The following WNT9B variants were observed in gnomAD, a reference collection of about 807,000 sequenced individuals.
The protein encoded by WNT9B is Wnt family member 9B, also known as protein Wnt-9b.
WNT9B carries 12 observed loss-of-function variants against 30.2 expected under a neutral mutation model. The ratio of observed to expected loss-of-function variants is 0.40; its 90% confidence interval spans 0.26 to 0.64. The LOEUF is 0.64. Among genes scored for constraint, WNT9B ranks in the 30% least tolerant of loss-of-function variants. WNT9B has a pLI of 0.42. For missense variants in WNT9B, 442 were observed against 485.2 expected, an observed-to-expected ratio of 0.91 and a Z score of 0.84; for synonymous variants, 218 against 216.9, an observed-to-expected ratio of 1.01 and a Z score of -0.05.
chr17:46,855,624 A>G (rs1048946286), intron 1 of WNT9B, among the ~76,000 whole-genome samples: 1 of 152,202 alleles, frequency 6.6e-6, no homozygotes, highest in African/African-American at 2.4e-5. Flanking sequence ...AACTTCTGTG[A>G]TGTTGTATAA....
rs56344308 is a variant in WNT9B, at chr17:46,851,959, C to A, written c.77+244C>A. Among the ~76,000 whole-genome samples the A allele has an allele frequency of 0.15, 23,475 of 152,100 alleles. 2,174 individuals carry two copies. The highest frequency in any genetic ancestry group is 0.38 in the East Asian group (1,973 of 5,142). ...GTCCGAGTCTCTGGTCGCCCCCCAG[C>A]CGCCGCTCTCCTCATCCCGCCGGGT... is the stretch of plus-strand genomic sequence containing the variant. On this transcript the variant is annotated intron_variant, in intron 1 of 3. Transcript: ENST00000290015. The surrounding 1 kb of genome is among the most constrained non-coding windows in gnomAD (Gnocchi z 4.3).
intron 1 of WNT9B, among the ~76,000 whole-genome samples, chr17:46,845,943 A>T (rs1598831737): frequency 6.6e-6 from 1 of 152,058 alleles, no homozygotes; most frequent in African/African-American, 2.4e-5. Flanking sequence ...GGCACCTGCC[A>T]CCAGGCCCAG....
intron 1 of WNT9B, among the ~76,000 whole-genome samples, chr17:46,837,846 G>A (rs1267201049): frequency 6.6e-6 from 1 of 152,154 alleles, no homozygotes; most frequent in Non-Finnish European, 1.5e-5. Context: ...CCACATATGA[G>A]GACACTGTGC....
intron 1 of WNT9B, among the ~76,000 whole-genome samples, chr17:46,869,160 C>T (rs1339126065): frequency 1.3e-5 from 2 of 152,136 alleles, no homozygotes; most frequent in East Asian, 1.9e-4. Context: ...GGCCTCTGTG[C>T]GGTTGGCTAC....
chr17:46,863,896 T>C (rs535073237), intron 1 of WNT9B, among the ~76,000 whole-genome samples: 1 of 152,240 alleles, frequency 6.6e-6, no homozygotes, highest in East Asian at 1.9e-4. Context: ...TGGGGGTGGA[T>C]CCTTGATCAG....
Position 46,880,250 on chromosome 17 carries a change from GCAGA to G in WNT9B, c.*3540_*3543del, listed in dbSNP as rs777791859. On this transcript the variant is annotated 3_prime_UTR_variant, in exon 4 of 4. Transcript: ENST00000290015. ...CTTTCCTGGTACCCTTCATCACCTG[GCAGA>G]CAGACAGCCCCATGCCAACCCTGGA... 1.3e-5 allele frequency among the ~76,000 whole-genome samples: 2 copies of G among 152,166 alleles called. No homozygotes were observed. The highest frequency in any genetic ancestry group is 2.4e-5 in the African/African-American group (1 of 41,448).
At chr17:46,861,514 G>T (rs2085037581) in intron 1 of WNT9B, among the ~76,000 whole-genome samples, 1 of 152,190 alleles carries the variant, frequency 6.6e-6, no homozygotes, top group Non-Finnish European at 1.5e-5. Context: ...CCAACTGGGA[G>T]CCATGGCCTG....
At chr17:46,833,718 A>G (rs2084586009) in intron 1 of WNT9B, among the ~76,000 whole-genome samples, 1 of 152,124 alleles carries the variant, frequency 6.6e-6, no homozygotes, top group African/African-American at 2.4e-5. Flanking sequence ...GCTGTTTCCC[A>G]CGTGAGTGAG....
chr17:46,884,626 G>T (rs1568136814), downstream of WNT9B, among the ~76,000 whole-genome samples: 2 of 152,238 alleles, frequency 1.3e-5, no homozygotes, highest in Non-Finnish European at 2.9e-5. Flanking sequence ...CAGGTACCAA[G>T]TGCTCTGCAG....
At chr17:46,884,948 C>T, downstream of WNT9B, 1 of 390,064 alleles carries the variant, frequency 2.6e-6, no homozygotes, top group Non-Finnish European at 5.0e-6. Flanking sequence ...TTCCCCACTC[C>T]TGCAACCCAT....
chr17:46,859,450 A>G (rs899239090), intron 1 of WNT9B, among the ~76,000 whole-genome samples: 2 of 152,150 alleles, frequency 1.3e-5, no homozygotes, highest in Non-Finnish European at 2.9e-5. Context: ...AATTGATTCA[A>G]TATGTGTGGG....
downstream of WNT9B, among the ~76,000 whole-genome samples, chr17:46,881,935 A>C (rs915562054): frequency 6.6e-6 from 1 of 152,178 alleles, no homozygotes; most frequent in Non-Finnish European, 1.5e-5. Flanking sequence ...AACATTGACA[A>C]AAATTATCTA....
At chr17:46,867,371 T>C (rs1165126873) in intron 1 of WNT9B, among the ~76,000 whole-genome samples, 2 of 152,238 alleles carry the variant, frequency 1.3e-5, no homozygotes, top group East Asian at 1.9e-4. Context: ...ACCCAGGCAG[T>C]CTGGCTCCAG....
exon 5 of WNT9B, chr17:46,886,449 T>G (rs2085489634): frequency 6.6e-6 from 1 of 152,210 alleles, no homozygotes; most frequent in African/African-American, 2.4e-5. Flanking sequence ...GAGTCACTCA[T>G]GCTAAATGCA....
chr17:46,877,071 G>T lies in WNT9B; in HGVS notation c.*353G>T, dbSNP rs1057484248. 8 of 1,086,114 alleles carry T rather than the reference G, an allele frequency of 7.4e-6. No individual in the cohort carries two copies. The African/African-American group carries it at 1.1e-4, about 16-fold the overall frequency. The allele number at this position is 1,086,114 out of a possible 1,614,324, so 67.3% of individuals were successfully genotyped here. ...AGGGGCTATTCCATCTTGCTTCCTG[G>T]GATGAATGGCTTGGAGCCAGCATGT... On this transcript the variant is annotated 3_prime_UTR_variant, in exon 4 of 4. Coordinates refer to ENST00000290015, the MANE Select transcript of WNT9B (RefSeq NM_003396.3).
In WNT9B at chr17:46,878,000, T is replaced by C. The variant is rs1389573478; in HGVS notation, c.*1282T>C. ...TTCAGCAGCACCTGCCAAGGCCCTC[T>C]GTGAAAGGAGGAGAGACTGGTACCT... On this transcript the variant is annotated 3_prime_UTR_variant, in exon 4 of 4. Transcript: ENST00000290015. Among the ~76,000 whole-genome samples, 1 of 152,250 alleles carries C rather than the reference T, an allele frequency of 6.6e-6. No individual in the cohort carries two copies. The highest frequency in any genetic ancestry group is 1.9e-4 in the East Asian group (1 of 5,200).
exon 1 of WNT9B, chr17:46,833,206 A>C (rs1223333010): frequency 5.1e-6 from 2 of 395,236 alleles, no homozygotes; most frequent in African/African-American, 4.1e-5. Flanking sequence ...ACGTCAGCAA[A>C]CCGGGAAGCA....
In WNT9B at chr17:46,878,728, C is replaced by T. The variant is rs746349510; in HGVS notation, c.*2010C>T. On this transcript the variant is annotated 3_prime_UTR_variant, in exon 4 of 4. Transcript: ENST00000290015. ...GGCAGAGCAGGGGGCCTGGGAGCAA[C>T]GTGGAGGCCAGAGCACCCTGATCCA... 3.3e-5 allele frequency among the ~76,000 whole-genome samples: 5 copies of T among 152,170 alleles called. No homozygotes were observed. The highest frequency in any genetic ancestry group is 9.7e-5 in the African/African-American group (4 of 41,450).
intron 1 of WNT9B, among the ~76,000 whole-genome samples, chr17:46,854,463 G>A (rs2084907162): frequency 1.3e-5 from 2 of 152,208 alleles, no homozygotes; most frequent in Non-Finnish European, 2.9e-5. Flanking sequence ...AGAGTTGGAA[G>A]TGACCCCAGA....
Sources: gnomAD v4.1 joint callset for allele counts (sites outside exome capture counted in the v4.1 genomes callset) on GRCh38, gnomAD v4.1.1 for gene constraint, Gnocchi (gnomAD v3.1) non-coding constraint, MANE v1.5 for transcripts, NCBI Gene and HGNC (gene_info 2026-07-23, HGNC 2026-07-21) for gene names.